CLSTN2: variants seen among roughly 807,000 people sequenced by gnomAD.
CLSTN2 encodes the protein calsyntenin 2.
CLSTN2 carries 48 observed loss-of-function variants against 101.2 expected under a neutral mutation model. The observed-to-expected ratio is 0.47, with a 90% CI of 0.38 to 0.60. CLSTN2 has a LOEUF of 0.60. Among genes scored for constraint, CLSTN2 ranks in the 20% least tolerant of loss-of-function variants. The pLI is 0.00. For synonymous variants in CLSTN2, 481 were observed against 463.6 expected (o/e 1.04, Z -0.48); for missense variants, 1,160 against 1,238.2 (o/e 0.94, Z 0.95).
chr3:140,016,569 G>A (rs932119296), intron 1 of CLSTN2, among the ~76,000 whole-genome samples: 1 of 151,968 alleles, frequency 6.6e-6, no homozygotes, highest in Non-Finnish European at 1.5e-5. Context: ...GGGAGGCCGA[G>A]GCGGGCGGAT....
intron 1 of CLSTN2, among the ~76,000 whole-genome samples, chr3:139,972,181 T>C (rs1935717678): frequency 6.6e-6 from 1 of 151,990 alleles, no homozygotes; most frequent in African/African-American, 2.4e-5. Context: ...GGAGAATCGC[T>C]TGAACCTGGG....
chr3:140,309,269 A>G lies in CLSTN2; in HGVS notation c.233-94360A>G, dbSNP rs1230991458. ...GGGAAGGTTTCTCTGAGGAAGGCCA[A>G]GTAGGACATGTAGACAGAGGGGCAG... is the stretch of plus-strand genomic sequence containing the variant. On this transcript the variant is annotated intron_variant, in intron 2 of 16. Transcript: ENST00000458420. 3.3e-5 allele frequency among the ~76,000 whole-genome samples: 5 copies of G among 152,266 alleles called. No homozygotes were observed. The East Asian group carries it at 9.7e-4, about 30-fold the overall frequency.
chr3:140,148,012 C>T (rs78892241), intron 1 of CLSTN2, among the ~76,000 whole-genome samples: 5,333 of 152,182 alleles, frequency 0.035, 329 homozygotes, highest in African/African-American at 0.12. Flanking sequence ...TGATAGTCTG[C>T]GACTTATAAA....
intron 1 of CLSTN2, among the ~76,000 whole-genome samples, chr3:140,115,394 G>A (rs1478472547): frequency 6.6e-6 from 1 of 152,052 alleles, no homozygotes; most frequent in Non-Finnish European, 1.5e-5. Context: ...TGCTTGGAGT[G>A]TCTGTGGGTG....
chr3:140,448,578 A>G lies in CLSTN2; in HGVS notation c.847A>G (p.Ile283Val), dbSNP rs1337631331. The part of the protein sequence containing the change: ...GSGSMPLFPS[I>V]HLETCDGAVS... Reference sequence around the variant, plus strand: ...CGGGAGCATGCCCCTGTTCCCCAGCATCCACCTGGAGACGTGCGATGGAGC... The same window carrying G: ...CGGGAGCATGCCCCTGTTCCCCAGCGTCCACCTGGAGACGTGCGATGGAGC... The change falls in exon 6 of 17, where the codon ATC becomes GTC. Residue 283 changes from isoleucine (I) to valine (V), a missense_variant. Coordinates refer to ENST00000458420, the MANE Select transcript of CLSTN2 (RefSeq NM_022131.3). 3 of 1,614,096 alleles carry G rather than the reference A, an allele frequency of 1.9e-6. No homozygotes were observed. The South Asian group carries it at 3.3e-5, about 18-fold the overall frequency.
intron 6 of CLSTN2, 136 bp from the exon 7 acceptor site, chr3:140,459,385 T>C: frequency 1.0e-6 from 1 of 980,324 alleles, no homozygotes; most frequent in Non-Finnish European, 1.5e-6. Flanking sequence ...CTTCTTTTCC[T>C]AAGTCACATA....
intron 2 of CLSTN2, among the ~76,000 whole-genome samples, chr3:140,381,234 T>C (rs532757991): frequency 3.9e-4 from 60 of 152,346 alleles, no homozygotes; most frequent in Admixed American, 3.1e-3. Flanking sequence ...GTCATGTCTG[T>C]CTCTGTGTCC....
Position 140,447,523 on chromosome 3 carries a change from C to T in CLSTN2, c.788-996C>T, listed in dbSNP as rs12638477. ...TTGATTGCTGTGTTCTTGCATGGTG[C>T]CATTTTAATCGTGATTTTGTTCCTC... On this transcript the variant is annotated intron_variant, in intron 5 of 16. Transcript: ENST00000458420. Among the ~76,000 whole-genome samples the T allele has an allele frequency of 1.6e-3, 245 of 152,326 alleles. 6 individuals carry two copies. In the East Asian group the frequency reaches 0.041, roughly 25 times the overall value.
At chr3:140,201,713 T>C (rs2010719361) in intron 2 of CLSTN2, among the ~76,000 whole-genome samples, 1 of 152,172 alleles carries the variant, frequency 6.6e-6, no homozygotes, top group Non-Finnish European at 1.5e-5. Flanking sequence ...AAGTGTTCTC[T>C]GCCTTGGTGA....
intron 1 of CLSTN2, among the ~76,000 whole-genome samples, chr3:140,071,200 C>CA (rs1201586041): frequency 6.6e-6 from 1 of 151,698 alleles, no homozygotes; most frequent in Non-Finnish European, 1.5e-5. Context: ...ATGGATTATT[C>CA]AATAATAAAC....
chr3:140,405,099 A>C (rs1231511634), intron 4 of CLSTN2, among the ~76,000 whole-genome samples: 1 of 152,158 alleles, frequency 6.6e-6, no homozygotes, highest in African/African-American at 2.4e-5. Flanking sequence ...GAGCCATGCC[A>C]TCAGCTTGGC....
At chr3:140,208,625 C>A (rs1241299773) in intron 2 of CLSTN2, among the ~76,000 whole-genome samples, 2 of 152,058 alleles carry the variant, frequency 1.3e-5, no homozygotes, top group Admixed American at 6.6e-5. Flanking sequence ...TTTTGCATCC[C>A]TGACTCAGTT....
At chr3:140,044,092 G>A (rs1007992885) in intron 1 of CLSTN2, among the ~76,000 whole-genome samples, 6 of 152,108 alleles carry the variant, frequency 3.9e-5, no homozygotes, top group Non-Finnish European at 8.8e-5. Flanking sequence ...TGATGGGGAT[G>A]GCATTGAATC....
chr3:140,415,549 A>AT (rs1157199080), intron 4 of CLSTN2, among the ~76,000 whole-genome samples: 6 of 151,404 alleles, frequency 4.0e-5, no homozygotes, highest in Non-Finnish European at 8.8e-5. Context: ...CTGAACGGAC[A>AT]TTTTTCCAAA....
At chr3:140,459,798 C>A in intron 7 of CLSTN2, 29 bp downstream of exon 7, 1 of 281,730 alleles carries the variant, frequency 3.5e-6, no homozygotes, top group Non-Finnish European at 5.6e-6. Context: ...CCTTCCACCC[C>A]TCCTACCCCA....
intron 2 of CLSTN2, among the ~76,000 whole-genome samples, chr3:140,330,244 G>A (rs966212000): frequency 1.3e-5 from 2 of 152,136 alleles, no homozygotes; most frequent in African/African-American, 2.4e-5. Context: ...TCTTCAACCC[G>A]CCTGATTTCA....
chr3:140,189,293 T>G (rs1273945032), intron 2 of CLSTN2, among the ~76,000 whole-genome samples: 6 of 152,222 alleles, frequency 3.9e-5, no homozygotes, highest in African/African-American at 1.4e-4. Context: ...CTGGGTCATA[T>G]AGTAGTTGCC....
intron 1 of CLSTN2, among the ~76,000 whole-genome samples, chr3:140,148,014 A>G (rs1576445597): frequency 6.6e-6 from 1 of 152,324 alleles, no homozygotes; most frequent in East Asian, 1.9e-4. Context: ...ATAGTCTGCG[A>G]CTTATAAAGA....
intron 1 of CLSTN2, among the ~76,000 whole-genome samples, chr3:140,174,446 C>A (rs1559798374): frequency 6.6e-6 from 1 of 152,210 alleles, no homozygotes; most frequent in Non-Finnish European, 1.5e-5. Context: ...CTGTTCCAAC[C>A]TCTGCCTGTT....
Sources: allele counts gnomAD v4.1 joint callset (sites outside exome capture counted in the v4.1 genomes callset), GRCh38; gene constraint gnomAD v4.1.1; transcripts MANE v1.5; gene names NCBI Gene and HGNC (gene_info 2026-07-23, HGNC 2026-07-21).